The following PEX26 variants were observed in gnomAD, a reference collection of about 807,000 sequenced individuals.
PEX26 encodes the protein peroxisomal biogenesis factor 26.
PEX26 carries 18 observed loss-of-function variants against 31.4 expected under a neutral mutation model. The observed-to-expected ratio is 0.57, with a 90% CI of 0.40 to 0.85. PEX26 has a LOEUF of 0.85. PEX26 is among the 40% of genes least tolerant of loss of function. The pLI, the probability that PEX26 is intolerant of heterozygous loss-of-function variation, is 0.00. For missense variants in PEX26, 377 were observed against 383.9 expected, an observed-to-expected ratio of 0.98 and a Z score of 0.15; for synonymous variants, 176 against 166.9, an observed-to-expected ratio of 1.05 and a Z score of -0.42.
rs776979443 is a variant in PEX26, at chr22:18,097,089, CAG to C, written c.*9015_*9016del. 3.9e-5 allele frequency: 6 copies of C among 152,236 alleles called. No individual in the cohort carries two copies. The East Asian group carries it at 9.7e-4, about 25-fold the overall frequency. 9.4% of individuals were successfully genotyped at this position (152,236 alleles called of 1,614,324 possible). Reference sequence around the variant, plus strand: ...AACTGACTCACTATCACAAGAACAACAGGGGAGAAACTGTTCCTGTGATCCAG... The same window carrying C: ...AACTGACTCACTATCACAAGAACAACGGGAGAAACTGTTCCTGTGATCCAG... On this transcript the variant is annotated 3_prime_UTR_variant, in exon 5 of 5. Transcript: ENST00000399744.
chr22:18,084,832 C>T (rs751637316), intron 3 of PEX26, among the ~76,000 whole-genome samples: 18 of 151,616 alleles, frequency 1.2e-4, no homozygotes, highest in Non-Finnish European at 2.2e-4. Flanking sequence ...AAGTGATTCT[C>T]GTGCCTCAGG....
At position 18,104,795 on chromosome 22, in the gene PEX26, A is replaced by C. The variant is rs547805325; in HGVS notation, c.*16720A>C. 24 of 152,342 alleles carry C rather than the reference A, an allele frequency of 1.6e-4. No homozygotes were observed. The highest frequency in any genetic ancestry group is 5.3e-4 in the African/African-American group (22 of 41,534). The allele number at this position is 152,342 out of a possible 1,614,324, so 9.4% of individuals were successfully genotyped here. A position where few individuals can be genotyped will look rare whatever the true frequency, so the allele number is the denominator to read the frequency against. On this transcript the variant is annotated 3_prime_UTR_variant, in exon 5 of 5. Transcript: ENST00000399744. ...CACCCCTCCCAGGGGAATTTGTCCC[A>C]TGATTCACCTCCTCTTTGGTGATCT...
chr22:18,082,524 G>A (rs571572479), intron 2 of PEX26, among the ~76,000 whole-genome samples: 1 of 152,260 alleles, frequency 6.6e-6, no homozygotes, highest in African/African-American at 2.4e-5. Flanking sequence ...GTAGGTGCAT[G>A]AATTTATTTC....
In PEX26 at chr22:18,089,485, T is replaced by C. The variant is rs1249897229; in HGVS notation, c.*1410T>C. 1 of 152,348 alleles carries C rather than the reference T, an allele frequency of 6.6e-6. No homozygotes were observed. The highest frequency in any genetic ancestry group is 1.5e-5 in the Non-Finnish European group (1 of 68,100). The allele number at this position is 152,348 out of a possible 1,614,324, so 9.4% of individuals were successfully genotyped here. On this transcript the variant is annotated 3_prime_UTR_variant, in exon 5 of 5. Transcript: ENST00000399744. ...TGTTTTCTCACCAGCCACAAGCATC[T>C]TATGAGTTTCTGTGCAAGGAAGCGT... is the stretch of plus-strand genomic sequence containing the variant.
At position 18,085,104 on chromosome 22, in the gene PEX26, C is replaced by T. The variant is rs1173231832; in HGVS notation, c.668-8C>T. The T allele has an allele frequency of 2.5e-6, 4 of 1,613,976 alleles. No individual in the cohort carries two copies. Among genetic ancestry groups the T allele is most frequent in the African/African-American group, 2.7e-5 (2 of 75,048 alleles). ...ATCCCTGAAGCTGTGCTCTGTCTCCCTGGCCAGGCTCTGTCTCCCACAAGT... is the reference window on the plus strand; with the variant it reads ...ATCCCTGAAGCTGTGCTCTGTCTCCTTGGCCAGGCTCTGTCTCCCACAAGT... On this transcript the variant is annotated splice_region_variant and splice_polypyrimidine_tract_variant and intron_variant, in intron 3 of 4. Transcript: ENST00000399744.
chr22:18,080,160 A>G, intron 2 of PEX26, 146 bp downstream of exon 2: 1 of 821,052 alleles, frequency 1.2e-6, no homozygotes, highest in South Asian at 1.5e-5. Flanking sequence ...CCAGACTTCC[A>G]TACATAGCAA....
chr22:18,088,259 G>C lies in PEX26; in HGVS notation c.*184G>C, dbSNP rs1196950850. 1.4e-6 allele frequency: 1 copy of C among 696,496 alleles called. No individual in the cohort carries two copies. The highest frequency in any genetic ancestry group is 1.8e-5 in the African/African-American group (1 of 57,076). The allele number at this position is 696,496 out of a possible 1,614,324, so 43.1% of individuals were successfully genotyped here. The stretch of plus-strand genomic sequence containing the variant: ...CCTACTTCGGCTGGTCGCGGTAGAT[G>C]ATGTGGAAACAAAGCAGGACCAGCA... On this transcript the variant is annotated 3_prime_UTR_variant, in exon 5 of 5. Transcript: ENST00000399744. This position sits in a 1 kb window ranked among gnomAD's most constrained non-coding sequence, Gnocchi z 4.1.
Position 18,101,023 on chromosome 22 carries a change from C to T in PEX26, c.*12948C>T, listed in dbSNP as rs1927437222. ...TCACAGCGCTGGCAACTAAAAGGCTCACAGATACTCTGATCTTTAAGCAGA... is the reference window on the plus strand; with the variant it reads ...TCACAGCGCTGGCAACTAAAAGGCTTACAGATACTCTGATCTTTAAGCAGA... On this transcript the variant is annotated 3_prime_UTR_variant, in exon 5 of 5. Coordinates refer to ENST00000399744, the MANE Select transcript of PEX26 (RefSeq NM_001127649.3). The T allele has an allele frequency of 6.6e-6, 1 of 152,172 alleles. No homozygotes were observed. The highest frequency in any genetic ancestry group is 1.5e-5 in the Non-Finnish European group (1 of 68,034). 9.4% of individuals were successfully genotyped at this position (152,172 alleles called of 1,614,324 possible).
chr22:18,092,529 A>G lies in PEX26; in HGVS notation c.*4454A>G, dbSNP rs1177059342. 3 of 152,314 alleles carry G rather than the reference A, an allele frequency of 2.0e-5. No homozygotes were observed. The highest frequency in any genetic ancestry group is 3.9e-4 in the East Asian group (2 of 5,186). The allele number at this position is 152,314 out of a possible 1,614,324, so 9.4% of individuals were successfully genotyped here. On this transcript the variant is annotated 3_prime_UTR_variant, in exon 5 of 5. Transcript: ENST00000399744. ...TCTTGTCTTAAAGCAATGCATGTAT[A>G]TTTTAGAAAATATTAATTGCATAGA...
In PEX26 at chr22:18,090,383, A is replaced by T. The variant is rs775281083; in HGVS notation, c.*2308A>T. Reference sequence around the variant, plus strand: ...TGCGGCCTTCCAGCTGCCCACCATCACAGCTACAGCTCGCTCCCCTTGGCC... The same window carrying T: ...TGCGGCCTTCCAGCTGCCCACCATCTCAGCTACAGCTCGCTCCCCTTGGCC... On this transcript the variant is annotated 3_prime_UTR_variant, in exon 5 of 5. Coordinates refer to ENST00000399744, the MANE Select transcript of PEX26 (RefSeq NM_001127649.3). 17 of 152,244 alleles carry T rather than the reference A, an allele frequency of 1.1e-4. No individual in the cohort carries two copies. Among genetic ancestry groups the T allele is most frequent in the Non-Finnish European group, 2.2e-4 (15 of 68,082 alleles). The allele number at this position is 152,244 out of a possible 1,614,324, so 9.4% of individuals were successfully genotyped here.
rs1407609905 is a variant in PEX26 at position 18,090,209 on chromosome 22, G to A, written c.*2134G>A. 1 of 152,150 alleles carries A rather than the reference G, an allele frequency of 6.6e-6. No homozygotes were observed. Among genetic ancestry groups the A allele is most frequent in the African/African-American group, 2.4e-5 (1 of 41,432 alleles). The allele number at this position is 152,150 out of a possible 1,614,324, so 9.4% of individuals were successfully genotyped here. Reference sequence around the variant, plus strand: ...GAATGATTTCTTAAAATGAAAATCTGGGCCCACTTAACTACCCTAGATAAA... The same window carrying A: ...GAATGATTTCTTAAAATGAAAATCTAGGCCCACTTAACTACCCTAGATAAA... On this transcript the variant is annotated 3_prime_UTR_variant, in exon 5 of 5. Coordinates refer to ENST00000399744, the MANE Select transcript of PEX26 (RefSeq NM_001127649.3).
rs140410767 is a variant in PEX26 at position 18,080,455 on chromosome 22, G to A, written c.371+441G>A. Among the ~76,000 whole-genome samples the A allele has an allele frequency of 1.0e-3, 152 of 152,148 alleles. 1 individual carries two copies. Among genetic ancestry groups the A allele is most frequent in the African/African-American group, 3.4e-3 (143 of 41,500 alleles). Reference sequence around the variant, plus strand: ...CACCATTCTCCTGCCTCAGCCTCCCGAGTAGCTGGGACTACAGGCGCCTGC... The same window carrying A: ...CACCATTCTCCTGCCTCAGCCTCCCAAGTAGCTGGGACTACAGGCGCCTGC... On this transcript the variant is annotated intron_variant, in intron 2 of 4. Coordinates refer to ENST00000399744, the MANE Select transcript of PEX26 (RefSeq NM_001127649.3).
chr22:18,097,559 G>T lies in PEX26; in HGVS notation c.*9484G>T, dbSNP rs561811783. The T allele has an allele frequency of 6.7e-6, 1 of 150,070 alleles. No homozygotes were observed. The highest frequency in any genetic ancestry group is 1.5e-5 in the Non-Finnish European group (1 of 67,568). The allele number at this position is 150,070 out of a possible 1,614,324, so 9.3% of individuals were successfully genotyped here. On this transcript the variant is annotated 3_prime_UTR_variant, in exon 5 of 5. Transcript: ENST00000399744. ...ATTACAGGCATGAGCCACCGTGCCTGGCCACAGCCATTAGTTTTAAATTTA... is the reference window on the plus strand; with the variant it reads ...ATTACAGGCATGAGCCACCGTGCCTTGCCACAGCCATTAGTTTTAAATTTA...
intron 4 of PEX26, among the ~76,000 whole-genome samples, chr22:18,085,804 G>A (rs1463049277): frequency 2.6e-5 from 4 of 152,074 alleles, no homozygotes; most frequent in Non-Finnish European, 4.4e-5. Context: ...CCCGGGAGGC[G>A]GAGGTTGCAG....
In PEX26 at chr22:18,091,475, A is replaced by G. The variant is rs1240272179; in HGVS notation, c.*3400A>G. On this transcript the variant is annotated 3_prime_UTR_variant, in exon 5 of 5. Coordinates refer to ENST00000399744, the MANE Select transcript of PEX26 (RefSeq NM_001127649.3). Reference sequence around the variant, plus strand: ...TGGTGAAACCCCATCTCTACTAAAAATACAAAAAAAAAATGAGCCGGGCAT... The same window carrying G: ...TGGTGAAACCCCATCTCTACTAAAAGTACAAAAAAAAAATGAGCCGGGCAT... The G allele has an allele frequency of 3.9e-4, 1 of 2,532 alleles. No homozygotes were observed. The highest frequency in any genetic ancestry group is 5.7e-4 in the Non-Finnish European group (1 of 1,752). 0.2% of individuals were successfully genotyped at this position (2,532 alleles called of 1,614,324 possible).
intron 3 of PEX26, 126 bp from the exon 4 acceptor site, chr22:18,084,986 G>T: frequency 1.1e-6 from 1 of 923,902 alleles, no homozygotes. Flanking sequence ...CTCCCAAAGT[G>T]CTGGGATTAC....
At chr22:18,086,947 C>T (rs11705653) in intron 4 of PEX26, among the ~76,000 whole-genome samples, 1 of 151,542 alleles carries the variant, frequency 6.6e-6, no homozygotes, top group African/African-American at 2.4e-5. Context: ...GGGTCTTTCT[C>T]TGTTGCCCAG....
intron 1 of PEX26, 106 bp downstream of exon 1, chr22:18,078,712 C>T (rs772502596): frequency 3.0e-6 from 3 of 1,012,780 alleles, no homozygotes; most frequent in Admixed American, 4.0e-5. Context: ...GAGCTTTACA[C>T]CTCGCTTTCA....
At chr22:18,084,237 C>CTCTTT (rs1556589212) in intron 3 of PEX26, among the ~76,000 whole-genome samples, 6 of 95,316 alleles carry the variant, frequency 6.3e-5, no homozygotes, top group Non-Finnish European at 6.3e-5. Flanking sequence ...ATCTCTCTCT[C>CTCTTT]TTTTTTTTTT....
Sources: allele counts gnomAD v4.1 joint callset (sites outside exome capture counted in the v4.1 genomes callset), GRCh38; gene constraint gnomAD v4.1.1; non-coding constraint Gnocchi (gnomAD v3.1); transcripts MANE v1.5; gene names NCBI Gene and HGNC (gene_info 2026-07-23, HGNC 2026-07-21).